Variants in CREB5 observed in about 807,000 individuals in gnomAD.
CREB5 encodes cyclic AMP-responsive element-binding protein 5.
Under a neutral mutation model 57.1 loss-of-function variants are expected in CREB5, and 19 were observed. The ratio of observed to expected loss-of-function variants is 0.33; its 90% confidence interval spans 0.23 to 0.49. The LOEUF (loss-of-function observed/expected upper bound fraction) is 0.49. Ranked by LOEUF, CREB5 falls within the 20% of genes least tolerant of loss-of-function variation. The probability of loss-of-function intolerance (pLI) is 0.99; values close to 1 mark genes in which losing one functional copy is unlikely to be tolerated. For synonymous variants in CREB5, 238 were observed against 238.3 expected (o/e 1.00, Z 0.01); for missense variants, 579 against 671.6 (o/e 0.86, Z 1.52).
chr7:28,615,437 C>G (rs1006160480), intron 5 of CREB5: 1 of 152,360 alleles, frequency 6.6e-6, no homozygotes, highest in Non-Finnish European at 1.5e-5. Context: ...CAAGGGACCA[C>G]TTAGGGCTCA....
intron 5 of CREB5, among the ~76,000 whole-genome samples, chr7:28,597,619 A>G (rs1163815210): frequency 6.6e-6 from 1 of 152,104 alleles, no homozygotes; most frequent in African/African-American, 2.4e-5. Context: ...TTGGTGTTGG[A>G]CCAGATTGAG....
chr7:28,457,409 C>T (rs547735009), intron 1 of CREB5, among the ~76,000 whole-genome samples: 1 of 152,170 alleles, frequency 6.6e-6, no homozygotes, highest in African/African-American at 2.4e-5. Flanking sequence ...GCTCCTCCCC[C>T]ATGTTCTGCA....
intron 1 of CREB5, among the ~76,000 whole-genome samples, chr7:28,430,655 T>G (rs1412110762): frequency 6.6e-6 from 1 of 152,158 alleles, no homozygotes; most frequent in African/African-American, 2.4e-5. Flanking sequence ...GGGGCTCAGT[T>G]TTCTTTTGCT....
intron 4 of CREB5, among the ~76,000 whole-genome samples, chr7:28,511,336 C>A (rs904080731): frequency 1.3e-5 from 2 of 151,962 alleles, no homozygotes; most frequent in African/African-American, 4.8e-5. Context: ...AGGCCTGAGG[C>A]TGGAGGGTGC....
At chr7:28,395,709 G>A (rs1243740272) in intron 1 of CREB5, among the ~76,000 whole-genome samples, 2 of 152,124 alleles carry the variant, frequency 1.3e-5, no homozygotes, top group African/African-American at 2.4e-5. Flanking sequence ...TTTTACCCTG[G>A]TGGGGCCAAG....
intron 5 of CREB5, among the ~76,000 whole-genome samples, chr7:28,624,702 A>C (rs1293705648): frequency 6.9e-6 from 1 of 145,638 alleles, no homozygotes; most frequent in African/African-American, 2.5e-5. Flanking sequence ...AACAATCTTG[A>C]AGAACTGATT....
upstream of CREB5, chr7:28,409,625 T>G (rs1486277955): frequency 8.1e-6 from 2 of 245,814 alleles, no homozygotes; most frequent in Non-Finnish European, 8.2e-6. This position sits in a 1 kb window ranked among gnomAD's most constrained non-coding sequence, Gnocchi z 4.4. Context: ...TTCTGGAGGG[T>G]GATCTGTGTT....
At chr7:28,340,338 A>G (rs1457916332) in intron 1 of CREB5, among the ~76,000 whole-genome samples, 50 of 144,730 alleles carry the variant, frequency 3.5e-4, no homozygotes, top group South Asian at 8.7e-4. Context: ...GGACCCAACA[A>G]CTCTTTAGTC....
intron 4 of CREB5, among the ~76,000 whole-genome samples, chr7:28,545,730 GA>G (rs1455312895): frequency 2.6e-5 from 4 of 152,172 alleles, no homozygotes; most frequent in Non-Finnish European, 5.9e-5. Flanking sequence ...ACAGATGAGA[GA>G]AAATTTCCAC....
At chr7:28,533,141 G>T (rs1265993546) in intron 4 of CREB5, among the ~76,000 whole-genome samples, 1 of 152,112 alleles carries the variant, frequency 6.6e-6, no homozygotes, top group Non-Finnish European at 1.5e-5. Flanking sequence ...GGAAGGCGGA[G>T]GTAGCAGTGA....
At chr7:28,560,941 C>CGTGTGCGTGTGTGT (rs1562798011) in intron 4 of CREB5, among the ~76,000 whole-genome samples, 1 of 44,658 alleles carries the variant, frequency 2.2e-5, no homozygotes, top group Non-Finnish European at 4.1e-5. Context: ...TGTGTGCGTG[C>CGTGTGCGTGTGTGT]GTGTGTGTGC....
At position 28,592,162 on chromosome 7, in the gene CREB5, CAG is replaced by C. The variant is rs142418783; in HGVS notation, c.464+21630_464+21631del. Reference sequence around the variant, plus strand: ...AATCAAACTCATGTGGTTTGCATTTCAGAGAGCTACATTTGGTGGGCTGTTCC... The same window carrying C: ...AATCAAACTCATGTGGTTTGCATTTCAGAGCTACATTTGGTGGGCTGTTCC... On this transcript the variant is annotated intron_variant, in intron 5 of 10. Transcript: ENST00000357727. Among the ~76,000 whole-genome samples, 5 of 152,326 alleles carry C rather than the reference CAG, an allele frequency of 3.3e-5. No individual in the cohort carries two copies. In the East Asian group the frequency reaches 9.6e-4, roughly 29 times the overall value.
intron 4 of CREB5, among the ~76,000 whole-genome samples, chr7:28,567,626 C>T (rs148668834): frequency 1.1e-3 from 161 of 152,272 alleles, no homozygotes; most frequent in Non-Finnish European, 6.3e-4. Context: ...AGATGGTGCC[C>T]ATCACTTCGG....
intron 1 of CREB5, among the ~76,000 whole-genome samples, chr7:28,350,042 G>T (rs1031562049): frequency 6.6e-6 from 1 of 152,172 alleles, no homozygotes; most frequent in Non-Finnish European, 1.5e-5. Flanking sequence ...AAACAGGAAG[G>T]TTAGCACCTT....
chr7:28,379,340 G>A (rs923997084), intron 1 of CREB5, among the ~76,000 whole-genome samples: 1 of 152,120 alleles, frequency 6.6e-6, no homozygotes, highest in South Asian at 2.1e-4. Context: ...CGCTCCCAAA[G>A]CAATTCAATT....
chr7:28,334,603 T>C (rs1785778416), intron 1 of CREB5, among the ~76,000 whole-genome samples: 1 of 152,246 alleles, frequency 6.6e-6, no homozygotes, highest in Non-Finnish European at 1.5e-5. Context: ...TATTAATCTC[T>C]GGTCAGATGC....
rs1417561146 is a variant in CREB5, at chr7:28,353,922, G to C, written c.-25+54481G>C. On this transcript the variant is annotated intron_variant, in intron 1 of 9. Transcript: ENST00000396299. ...ATAAGCAAGGTGTCAAGCACAAAGG[G>C]TGATGAAGTGGACACACAAAGCTCT... 2.0e-5 allele frequency among the ~76,000 whole-genome samples: 3 copies of C among 152,000 alleles called. No homozygotes were observed. The East Asian group carries it at 5.8e-4, about 29-fold the overall frequency.
chr7:28,718,634 C>T (rs1454727767), intron 5 of CREB5, 119 bp from the exon 6 acceptor site: 1 of 1,343,876 alleles, frequency 7.4e-7, no homozygotes, highest in South Asian at 1.5e-5. Flanking sequence ...ATGTGACTCT[C>T]CCATCAGTGG....
chr7:28,726,552 A>G (rs1375674066), intron 7 of CREB5: 1 of 152,162 alleles, frequency 6.6e-6, no homozygotes, highest in Non-Finnish European at 1.5e-5. Context: ...CACGATTTTA[A>G]TGTCAGCCAG....
Sources: gnomAD v4.1 joint callset for allele counts (sites outside exome capture counted in the v4.1 genomes callset) on GRCh38, gnomAD v4.1.1 for gene constraint, Gnocchi (gnomAD v3.1) non-coding constraint, MANE v1.5 for transcripts, NCBI Gene and HGNC (gene_info 2026-07-23, HGNC 2026-07-21) for gene names.